Variants in PTPRD observed in about 807,000 individuals in gnomAD.
PTPRD encodes protein tyrosine phosphatase receptor type D.
Under a neutral mutation model 214.5 loss-of-function variants are expected in PTPRD, and 34 were observed. That is an observed-to-expected ratio of 0.16 (90% CI 0.12 to 0.21). PTPRD has a LOEUF of 0.21. PTPRD is among the 10% of genes least tolerant of loss of function. PTPRD has a pLI of 1.00. For synonymous variants in PTPRD, 1,128 were observed against 845.7 expected (o/e 1.33, Z -5.79); for missense variants, 2,545 against 2,398.7 (o/e 1.06, Z -1.27).
intron 9 of PTPRD, among the ~76,000 whole-genome samples, chr9:9,358,238 G>A (rs1342290758): frequency 4.0e-5 from 6 of 151,030 alleles, no homozygotes; most frequent in Non-Finnish European, 7.4e-5. Context: ...AGGTTATATT[G>A]CCTGTTGTCT....
chr9:9,839,623 C>T (rs1441668792), intron 5 of PTPRD, among the ~76,000 whole-genome samples: 3 of 152,222 alleles, frequency 2.0e-5, no homozygotes, highest in East Asian at 1.9e-4. Flanking sequence ...AATGGCCATA[C>T]TGCCCAAGGT....
intron 41 of PTPRD, 71 bp downstream of exon 41, chr9:8,341,018 TA>T (rs35000820): frequency 0.13 from 182,894 of 1,391,794 alleles, 14,652 homozygotes; most frequent in East Asian, 0.34. Context: ...AGATGAAATT[TA>T]TTCTGGTTAT....
chr9:8,548,046 G>A (rs2140507533), intron 14 of PTPRD, among the ~76,000 whole-genome samples: 1 of 152,298 alleles, frequency 6.6e-6, no homozygotes. Context: ...CCCTAAGGGA[G>A]CACAGGGGTG....
intron 3 of PTPRD, among the ~76,000 whole-genome samples, chr9:10,205,002 T>G (rs893763245): frequency 1.3e-5 from 2 of 151,454 alleles, no homozygotes; most frequent in African/African-American, 4.9e-5. Flanking sequence ...ATACTTTGAA[T>G]GCTATAATTC....
At chr9:10,459,382 G>A (rs1236073835) in intron 2 of PTPRD, among the ~76,000 whole-genome samples, 7 of 152,166 alleles carry the variant, frequency 4.6e-5, no homozygotes. Context: ...CGTCTTTACA[G>A]TAGAATGATT....
At chr9:9,746,403 T>TC (rs1435075140) in intron 6 of PTPRD, among the ~76,000 whole-genome samples, 1 of 152,046 alleles carries the variant, frequency 6.6e-6, no homozygotes, top group African/African-American at 2.4e-5. Flanking sequence ...TAAAAATCTA[T>TC]CAGGGGAACA....
At chr9:10,091,639 G>C (rs1049995039) in intron 3 of PTPRD, among the ~76,000 whole-genome samples, 5 of 151,410 alleles carry the variant, frequency 3.3e-5, no homozygotes, top group Non-Finnish European at 7.4e-5. Flanking sequence ...GACAGGAAAT[G>C]TTTCCCCAAA....
chr9:8,656,071 T>C (rs2096903642), intron 12 of PTPRD, among the ~76,000 whole-genome samples: 2 of 152,186 alleles, frequency 1.3e-5, no homozygotes, highest in African/African-American at 4.8e-5. Flanking sequence ...CTCCTAGCCT[T>C]TTATGAAAAA....
In PTPRD at chr9:10,500,504, T is replaced by A. The variant is rs200698561; in HGVS notation, c.-600+111894A>T. 4.6e-5 allele frequency among the ~76,000 whole-genome samples: 7 copies of A among 152,036 alleles called. No homozygotes were observed. The East Asian group carries it at 1.4e-3, about 29-fold the overall frequency. Reference sequence around the variant, plus strand: ...AATGGATAATAATCCCTTCAGGGTATGTAGAGCACCCATCCCATCAAGCAT... The same window carrying A: ...AATGGATAATAATCCCTTCAGGGTAAGTAGAGCACCCATCCCATCAAGCAT... On this transcript the variant is annotated intron_variant, in intron 2 of 45. Coordinates refer to ENST00000381196, the MANE Select transcript of PTPRD (RefSeq NM_002839.4).
rs569431174 is a variant in PTPRD, at chr9:8,996,844, T to C, written c.-104+21853A>G. ...TGGGGTTAGATTTCAATATATGAAT[T>C]TTGGGGGATATAACATTTGGACCAT... On this transcript the variant is annotated intron_variant, in intron 11 of 45. Transcript: ENST00000381196. Among the ~76,000 whole-genome samples the C allele has an allele frequency of 1.2e-4, 19 of 152,156 alleles. No individual in the cohort carries two copies. The South Asian group carries it at 3.9e-3, about 32-fold the overall frequency.
At chr9:10,392,151 T>C (rs1257526644) in intron 2 of PTPRD, among the ~76,000 whole-genome samples, 1 of 151,962 alleles carries the variant, frequency 6.6e-6, no homozygotes, top group Admixed American at 6.6e-5. Flanking sequence ...GGCCCAGAAC[T>C]ACATCTGGCC....
At chr9:9,762,934 A>C (rs1343306564) in intron 6 of PTPRD, among the ~76,000 whole-genome samples, 1 of 152,168 alleles carries the variant, frequency 6.6e-6, no homozygotes, top group Non-Finnish European at 1.5e-5. Flanking sequence ...TACCAAGGTG[A>C]CAACAAGGTA....
At chr9:9,758,590 G>C (rs936288727) in intron 6 of PTPRD, among the ~76,000 whole-genome samples, 1 of 152,154 alleles carries the variant, frequency 6.6e-6, no homozygotes, top group Non-Finnish European at 1.5e-5. Context: ...CAACAAAGGA[G>C]AGACAGCACT....
chr9:8,584,295 T>A (rs1048267726), intron 14 of PTPRD, among the ~76,000 whole-genome samples: 1 of 152,094 alleles, frequency 6.6e-6, no homozygotes, highest in Non-Finnish European at 1.5e-5. Context: ...AGAAAAGAAA[T>A]CCCTATCTAT....
At chr9:9,498,297 G>A (rs1399681210) in intron 8 of PTPRD, among the ~76,000 whole-genome samples, 1 of 152,146 alleles carries the variant, frequency 6.6e-6, no homozygotes, top group Non-Finnish European at 1.5e-5. Context: ...AAGTATGAAT[G>A]TTGACATAAA....
At chr9:9,184,129 C>A (rs1471631020) in intron 9 of PTPRD, among the ~76,000 whole-genome samples, 1 of 151,980 alleles carries the variant, frequency 6.6e-6, no homozygotes, top group Non-Finnish European at 1.5e-5. Flanking sequence ...AAGTTGTCAT[C>A]TCATGGGGAG....
intron 31 of PTPRD, among the ~76,000 whole-genome samples, chr9:8,468,677 T>C (rs922677828): frequency 2.6e-5 from 4 of 151,808 alleles, no homozygotes; most frequent in African/African-American, 7.3e-5. Flanking sequence ...ACAATTTGAA[T>C]TATAGGCCTT....
chr9:10,020,031 CTTGTT>C (rs1207967580), intron 4 of PTPRD, among the ~76,000 whole-genome samples: 2 of 152,236 alleles, frequency 1.3e-5, no homozygotes, highest in East Asian at 1.9e-4. Flanking sequence ...TAATTTTACT[CTTGTT>C]TTATATAACT....
chr9:9,145,865 C>A (rs2099867756), intron 10 of PTPRD, among the ~76,000 whole-genome samples: 1 of 152,148 alleles, frequency 6.6e-6, no homozygotes, highest in African/African-American at 2.4e-5. Flanking sequence ...TGGAAACCTG[C>A]AACAATCAAA....
Sources: allele counts gnomAD v4.1 joint callset (sites outside exome capture counted in the v4.1 genomes callset), GRCh38; gene constraint gnomAD v4.1.1; transcripts MANE v1.5; gene names NCBI Gene and HGNC (gene_info 2026-07-23, HGNC 2026-07-21).